Variants in FLVCR2 observed in about 807,000 individuals in gnomAD.
FLVCR2 encodes choline/ethanolamine transporter FLVCR2.
A neutral mutation model predicts 48.9 loss-of-function variants in FLVCR2; 38 were observed. The observed-to-expected ratio is 0.78, with a 90% confidence interval of 0.60 to 1.02. The LOEUF (loss-of-function observed/expected upper bound fraction) is 1.02. Ranked by LOEUF, FLVCR2 falls within the 50% of genes least tolerant of loss-of-function variation. The pLI is 0.00. For synonymous variants in FLVCR2, 255 were observed against 257.0 expected (o/e 0.99, Z 0.07); for missense variants, 664 against 663.3 (o/e 1.00, Z -0.01).
chr14:75,633,768 G>A, intron 4 of FLVCR2, 72 bp downstream of exon 4: 1 of 1,193,620 alleles, frequency 8.4e-7, no homozygotes, highest in South Asian at 1.2e-5. Flanking sequence ...CAGGACCTGG[G>A]ATGACCGTTA....
chr14:75,599,335 C>T (rs76750944), intron 1 of FLVCR2, among the ~76,000 whole-genome samples: 3 of 150,814 alleles, frequency 2.0e-5, no homozygotes, highest in African/African-American at 7.3e-5. Flanking sequence ...CACCCCCCCC[C>T]AAAAAATTAA....
chr14:75,610,719 A>T (rs1483307905), intron 1 of FLVCR2, among the ~76,000 whole-genome samples: 1 of 152,228 alleles, frequency 6.6e-6, no homozygotes, highest in Non-Finnish European at 1.5e-5. Context: ...TGCTCAATAA[A>T]TACTGAGTGT....
chr14:75,614,823 T>C (rs535317461), intron 1 of FLVCR2, among the ~76,000 whole-genome samples: 16 of 152,086 alleles, frequency 1.1e-4, no homozygotes, highest in Non-Finnish European at 2.4e-4. Flanking sequence ...TCTTACATGG[T>C]GGTAGGCAAG....
chr14:75,588,766 A>G (rs998517956), intron 1 of FLVCR2, among the ~76,000 whole-genome samples: 5 of 152,182 alleles, frequency 3.3e-5, no homozygotes, highest in African/African-American at 1.2e-4. Flanking sequence ...GGCGTGAGCC[A>G]CTGCACCTGG....
intron 1 of FLVCR2, among the ~76,000 whole-genome samples, chr14:75,614,818 C>T (rs1374706507): frequency 6.6e-6 from 1 of 152,180 alleles, no homozygotes; most frequent in African/African-American, 2.4e-5. Context: ...GCACATCTTA[C>T]ATGGTGGTAG....
chr14:75,616,464 T>C (rs567816283), intron 1 of FLVCR2, among the ~76,000 whole-genome samples: 1 of 152,310 alleles, frequency 6.6e-6, no homozygotes, highest in Admixed American at 6.5e-5. Flanking sequence ...AGAAAGCAGC[T>C]GGCTCAATAA....
At chr14:75,580,608 GGGT>G (rs1274284296) in intron 1 of FLVCR2, among the ~76,000 whole-genome samples, 3 of 152,218 alleles carry the variant, frequency 2.0e-5, no homozygotes, top group Non-Finnish European at 4.4e-5. Flanking sequence ...AGTCAGCAAA[GGGT>G]GGTGGATTAT....
At chr14:75,617,153 G>A (rs1055127178) in intron 1 of FLVCR2, among the ~76,000 whole-genome samples, 9 of 152,178 alleles carry the variant, frequency 5.9e-5, no homozygotes, top group African/African-American at 2.2e-4. Flanking sequence ...GTTGTGTAAT[G>A]GGTTGGGTAT....
chr14:75,590,880 T>A (rs982674135), intron 1 of FLVCR2, among the ~76,000 whole-genome samples: 12 of 152,164 alleles, frequency 7.9e-5, no homozygotes, highest in Non-Finnish European at 1.6e-4. Context: ...CAATATTCCT[T>A]CATAGCAATG....
chr14:75,579,613 C>A lies in FLVCR2; in HGVS notation c.641C>A (p.Ala214Asp). The change falls in exon 1 of 10, where the codon GCC becomes GAC. Residue 214 changes from alanine to aspartate, a missense_variant. Ala to Asp is a moderately radical substitution (Grantham distance 126, BLOSUM62 -2). Coordinates refer to ENST00000238667, the MANE Select transcript of FLVCR2 (RefSeq NM_017791.3). ...TTCGGGGCTAATGAGGTTTCAACAG[C>A]CTGCTCCGTGGCTGTCTTTGGCAAT... ...VWFGANEVST[A>D]CSVAVFGNQL... 1 of 1,614,180 alleles carries A rather than the reference C, an allele frequency of 6.2e-7. No individual in the cohort carries two copies. Among genetic ancestry groups the A allele is most frequent in the Non-Finnish European group, 8.5e-7 (1 of 1,180,036 alleles).
intron 1 of FLVCR2, among the ~76,000 whole-genome samples, chr14:75,619,112 T>G (rs1457943750): frequency 6.6e-6 from 1 of 151,936 alleles, no homozygotes; most frequent in East Asian, 1.9e-4. Flanking sequence ...TAATCCCAGC[T>G]ACTTGGGAGG....
chr14:75,626,642 C>G (rs1389774927), intron 3 of FLVCR2, among the ~76,000 whole-genome samples: 1 of 151,888 alleles, frequency 6.6e-6, no homozygotes, highest in East Asian at 1.9e-4. Flanking sequence ...AAGGAAGTTA[C>G]AAGTTCCCCA....
intron 8 of FLVCR2, 98 bp from the exon 9 acceptor site, chr14:75,641,744 TG>T: frequency 1.8e-6 from 2 of 1,110,724 alleles, no homozygotes; most frequent in South Asian, 1.3e-5. Context: ...GAAGTAAGTT[TG>T]GGATACCTGT....
At chr14:75,613,766 G>A (rs1200332951) in intron 1 of FLVCR2, among the ~76,000 whole-genome samples, 1 of 152,072 alleles carries the variant, frequency 6.6e-6, no homozygotes, top group Non-Finnish European at 1.5e-5. Flanking sequence ...GGCCAGGCTG[G>A]TCTCAAACTC....
chr14:75,580,184 G>C (rs1435257871), intron 1 of FLVCR2, among the ~76,000 whole-genome samples: 4 of 152,208 alleles, frequency 2.6e-5, no homozygotes, highest in East Asian at 1.9e-4. Context: ...CTGGGATTTA[G>C]AGCCAAGTCC....
At chr14:75,615,735 G>T (rs1889591655) in intron 1 of FLVCR2, among the ~76,000 whole-genome samples, 1 of 151,894 alleles carries the variant, frequency 6.6e-6, no homozygotes, top group Admixed American at 6.6e-5. Context: ...AAAGCATAAG[G>T]CCGGCTGGGC....
intron 1 of FLVCR2, among the ~76,000 whole-genome samples, chr14:75,585,001 AGT>A (rs369617186): frequency 1.3e-5 from 2 of 152,108 alleles, no homozygotes; most frequent in African/African-American, 4.8e-5. Flanking sequence ...TAAACCAGAC[AGT>A]GTGTGAGGAG....
chr14:75,608,951 C>G (rs1889367623), intron 1 of FLVCR2, among the ~76,000 whole-genome samples: 2 of 152,176 alleles, frequency 1.3e-5, no homozygotes, highest in Non-Finnish European at 2.9e-5. Flanking sequence ...TTCCTTGAAT[C>G]CTGCTTGTCC....
intron 1 of FLVCR2, among the ~76,000 whole-genome samples, chr14:75,607,083 A>G (rs1469888094): frequency 6.6e-6 from 1 of 152,166 alleles, no homozygotes; most frequent in Non-Finnish European, 1.5e-5. Context: ...AACTCCTGGT[A>G]TAGAAGCCAT....
Sources: allele counts gnomAD v4.1 joint callset (sites outside exome capture counted in the v4.1 genomes callset), GRCh38; gene constraint gnomAD v4.1.1; transcripts MANE v1.5; gene names NCBI Gene and HGNC (gene_info 2026-07-23, HGNC 2026-07-21).